Variants in HDAC9 observed in about 807,000 individuals in gnomAD.
The protein encoded by HDAC9 is histone deacetylase 9.
HDAC9 carries 41 observed loss-of-function variants against 139.4 expected under a neutral mutation model. That is an observed-to-expected ratio of 0.29 (90% CI 0.23 to 0.38). HDAC9 has a LOEUF of 0.38. Among genes scored for constraint, HDAC9 ranks in the 10% least tolerant of loss-of-function variants. The pLI, the probability that HDAC9 is intolerant of heterozygous loss-of-function variation, is 1.00. For missense variants in HDAC9, 1,147 were observed against 1,297.0 expected (o/e 0.88, Z 1.78); for synonymous variants, 517 against 476.2 (o/e 1.09, Z -1.12).
At chr7:18,440,507 T>C (rs1437687978) in intron 1 of HDAC9, among the ~76,000 whole-genome samples, 3 of 152,068 alleles carry the variant, frequency 2.0e-5, no homozygotes, top group Non-Finnish European at 4.4e-5. Flanking sequence ...TATATTGTAA[T>C]TAAATAGACT....
intron 1 of HDAC9, among the ~76,000 whole-genome samples, chr7:18,337,553 T>C (rs1410776100): frequency 6.6e-6 from 1 of 151,760 alleles, no homozygotes; most frequent in Non-Finnish European, 1.5e-5. Context: ...ATAATGTGCA[T>C]TTTTAGTTCC....
intron 2 of HDAC9, among the ~76,000 whole-genome samples, chr7:18,169,369 A>G (rs553455747): frequency 3.0e-4 from 45 of 152,040 alleles, no homozygotes; most frequent in Admixed American, 5.2e-4. Context: ...CTATAGATTT[A>G]CAGAATTTTG....
At chr7:18,682,701 G>C (rs1174367289) in intron 12 of HDAC9, among the ~76,000 whole-genome samples, 2 of 151,988 alleles carry the variant, frequency 1.3e-5, no homozygotes, top group African/African-American at 4.8e-5. Flanking sequence ...TAATCGTGAG[G>C]TGACAGTTAA....
intron 1 of HDAC9, among the ~76,000 whole-genome samples, chr7:18,409,044 G>T (rs1363531684): frequency 2.0e-5 from 3 of 152,154 alleles, no homozygotes; most frequent in Non-Finnish European, 4.4e-5. Flanking sequence ...ATGCGTTTGT[G>T]TGCTTTTACT....
intron 15 of HDAC9, among the ~76,000 whole-genome samples, chr7:18,764,445 C>G (rs1323756656): frequency 6.6e-6 from 1 of 152,108 alleles, no homozygotes; most frequent in Admixed American, 6.6e-5. Flanking sequence ...AGGTCGAGCA[C>G]TAAAGTCAAC....
chr7:18,294,744 G>T (rs1471560357), intron 1 of HDAC9, among the ~76,000 whole-genome samples: 2 of 152,102 alleles, frequency 1.3e-5, no homozygotes, highest in Non-Finnish European at 2.9e-5. Context: ...TAAACTAGTT[G>T]CAGAGTGGAG....
At chr7:18,329,291 T>C in intron 1 of HDAC9, among the ~76,000 whole-genome samples, 1 of 151,724 alleles carries the variant, frequency 6.6e-6, no homozygotes, top group East Asian at 1.9e-4. Flanking sequence ...TATTTCAAAA[T>C]TATTGGAGAA....
chr7:18,598,061 C>A (rs548115400), intron 6 of HDAC9, among the ~76,000 whole-genome samples: 1 of 152,090 alleles, frequency 6.6e-6, no homozygotes, highest in Non-Finnish European at 1.5e-5. Context: ...TGTTCTAGTA[C>A]CTTGATGACC....
chr7:18,837,979 G>A (rs951539810), intron 21 of HDAC9, among the ~76,000 whole-genome samples: 10 of 151,956 alleles, frequency 6.6e-5, no homozygotes, highest in Admixed American at 5.9e-4. Context: ...TTAGAGAAGT[G>A]GCATTATCTA....
intron 3 of HDAC9, 116 bp from the exon 4 acceptor site, chr7:18,590,220 C>A: frequency 9.3e-7 from 1 of 1,074,556 alleles, no homozygotes. Flanking sequence ...AAAGTGGGTA[C>A]AAATATGAAC....
intron 24 of HDAC9, among the ~76,000 whole-genome samples, chr7:18,971,092 C>T (rs1023751520): frequency 1.3e-5 from 2 of 152,166 alleles, no homozygotes; most frequent in Non-Finnish European, 2.9e-5. Flanking sequence ...CAGTGAAACC[C>T]CATCTATGGC....
In HDAC9 at chr7:18,263,043, A is replaced by AT. The variant is rs570632954; in HGVS notation, c.25+100695dup. On this transcript the variant is annotated intron_variant, in intron 2 of 12. Coordinates refer to the HDAC9 transcript ENST00000417496. ...TAATGTAAATGTATTAAATAGTCCA[A>AT]TAAAAAAAGCAGATGTTGAAAGAAT... is the stretch of plus-strand genomic sequence containing the variant. 6.6e-4 allele frequency among the ~76,000 whole-genome samples: 101 copies of AT among 152,336 alleles called. 1 individual carries two copies. The highest frequency in any genetic ancestry group is 6.0e-3 in the Admixed American group (92 of 15,298).
chr7:18,984,143 C>G (rs928768801), intron 25 of HDAC9, among the ~76,000 whole-genome samples: 1 of 152,066 alleles, frequency 6.6e-6, no homozygotes, highest in African/African-American at 2.4e-5. Context: ...TATGTTTTCT[C>G]CTGTAAGCTC....
chr7:18,440,215 A>G (rs113559462), intron 1 of HDAC9, among the ~76,000 whole-genome samples: 4,779 of 122,370 alleles, frequency 0.039, 104 homozygotes, highest in African/African-American at 0.076. Flanking sequence ...GCGGAGTTTC[A>G]CTCTTGTTGC....
chr7:18,466,835 T>C (rs1176814348), intron 1 of HDAC9, among the ~76,000 whole-genome samples: 1 of 152,242 alleles, frequency 6.6e-6, no homozygotes, highest in Non-Finnish European at 1.5e-5. Context: ...TGCCATGCAC[T>C]GAATGCTCCT....
chr7:18,120,150 C>A (rs1784273128), intron 1 of HDAC9, among the ~76,000 whole-genome samples: 2 of 152,068 alleles, frequency 1.3e-5, no homozygotes, highest in South Asian at 4.1e-4. Context: ...TCCCTTGGGA[C>A]ATTTGGCAAT....
At chr7:18,643,372 T>G (rs1432505995) in intron 8 of HDAC9, among the ~76,000 whole-genome samples, 1 of 152,118 alleles carries the variant, frequency 6.6e-6, no homozygotes, top group Non-Finnish European at 1.5e-5. Flanking sequence ...TACCTCTTGG[T>G]TTTCATGCAC....
rs5882676 is a variant in HDAC9 at position 18,795,257 on chromosome 7, T to TAAAAAAAAAAAAAAAAA, written c.2322+1817_2322+1833dup. On this transcript the variant is annotated intron_variant, in intron 17 of 25. Coordinates refer to ENST00000686413, the MANE Select transcript of HDAC9 (RefSeq NM_178425.4). ...ATGGTTTAAAAAGAAAAGAAAACAG[T>TAAAAAAAAAAAAAAAAA]AAAAAAAAAAAAAAAAAAAAAAAAA... Among the ~76,000 whole-genome samples, 82 of 65,492 alleles carry TAAAAAAAAAAAAAAAAA rather than the reference T, an allele frequency of 1.3e-3. 1 individual carries two copies. The highest frequency in any genetic ancestry group is 4.6e-3 in the African/African-American group (67 of 14,490). 43.0% of individuals were successfully genotyped at this position (65,492 alleles called of 152,430 possible). A position where few individuals can be genotyped will look rare whatever the true frequency, so the allele number is the denominator to read the frequency against.
intron 2 of HDAC9, among the ~76,000 whole-genome samples, chr7:18,269,112 T>C (rs1188193152): frequency 6.6e-6 from 1 of 152,198 alleles, no homozygotes; most frequent in Non-Finnish European, 1.5e-5. Flanking sequence ...AGTTAAGTCT[T>C]CTGGAAGTTC....
Sources: allele counts gnomAD v4.1 joint callset (sites outside exome capture counted in the v4.1 genomes callset), GRCh38; gene constraint gnomAD v4.1.1; transcripts MANE v1.5; gene names NCBI Gene and HGNC (gene_info 2026-07-23, HGNC 2026-07-21).